Variants in DGKI observed in about 807,000 individuals in gnomAD.
The protein encoded by DGKI is DAG kinase iota.
A neutral mutation model predicts 147.5 loss-of-function variants in DGKI; 55 were observed. That is an observed-to-expected ratio of 0.37 (90% CI 0.30 to 0.47). The LOEUF is 0.47. DGKI is among the 20% of genes least tolerant of loss of function. DGKI has a pLI of 1.00. For synonymous variants in DGKI, 469 were observed against 477.1 expected, an observed-to-expected ratio of 0.98 and a Z score of 0.22; for missense variants, 1,007 against 1,323.8, an observed-to-expected ratio of 0.76 and a Z score of 3.71.
rs141535401 is a variant in DGKI, at chr7:137,656,254, C to T, written c.681+212G>A. Among the ~76,000 whole-genome samples, 325 of 152,224 alleles carry T rather than the reference C, an allele frequency of 2.1e-3. 1 individual carries two copies. The highest frequency in any genetic ancestry group is 7.2e-3 in the African/African-American group (300 of 41,540). On this transcript the variant is annotated intron_variant, in intron 4 of 32. Coordinates refer to ENST00000614521, the MANE Select transcript of DGKI (RefSeq NM_001321708.2). ...TGTTCTTCCTTTTCCCAAGAGTCAA[C>T]GTAAAATGATATCAAATTACACTTC...
chr7:137,664,102 T>C (rs1585344731), intron 3 of DGKI, among the ~76,000 whole-genome samples: 1 of 151,892 alleles, frequency 6.6e-6, no homozygotes, highest in South Asian at 2.1e-4. Context: ...TGCGGCTGGG[T>C]GCAGTGATTC....
At chr7:137,711,309 G>C (rs1490678776) in intron 1 of DGKI, among the ~76,000 whole-genome samples, 1 of 151,990 alleles carries the variant, frequency 6.6e-6, no homozygotes, top group African/African-American at 2.4e-5. Context: ...TATCATATCA[G>C]CACTATTTAT....
chr7:137,522,873 G>A (rs1167849763), intron 20 of DGKI, among the ~76,000 whole-genome samples: 5 of 151,912 alleles, frequency 3.3e-5, no homozygotes, highest in African/African-American at 7.3e-5. Context: ...CTTTCAATAC[G>A]ACCTTATACT....
At chr7:137,843,304 T>C (rs1376675513) in intron 1 of DGKI, 1 of 418,436 alleles carries the variant, frequency 2.4e-6, no homozygotes, top group Non-Finnish European at 3.2e-6. Flanking sequence ...TCCTACACAG[T>C]ATATAGTCAT....
At chr7:137,465,766 A>G (rs1410174378) in intron 26 of DGKI, 142 bp downstream of exon 26, 55 of 1,142,820 alleles carry the variant, frequency 4.8e-5, no homozygotes, top group Non-Finnish European at 6.4e-5. Context: ...CAGACTTATA[A>G]TAACCACTCT....
At chr7:137,457,626 T>G (rs1475126105) in intron 27 of DGKI, among the ~76,000 whole-genome samples, 1 of 152,068 alleles carries the variant, frequency 6.6e-6, no homozygotes, top group Non-Finnish European at 1.5e-5. Context: ...AAAAGGCCAG[T>G]TTTTCAGTTT....
At chr7:137,545,054 A>C (rs1817820930) in intron 20 of DGKI, among the ~76,000 whole-genome samples, 1 of 152,196 alleles carries the variant, frequency 6.6e-6, no homozygotes, top group East Asian at 1.9e-4. Flanking sequence ...TTGAAGCCAG[A>C]CTGCCTGAGT....
At chr7:137,435,180 G>A (rs1318764160) in intron 28 of DGKI, among the ~76,000 whole-genome samples, 2 of 152,114 alleles carry the variant, frequency 1.3e-5, no homozygotes, top group Non-Finnish European at 2.9e-5. Context: ...CTGTGCCAGG[G>A]CACAGCACAG....
chr7:137,543,684 C>T (rs918148681), intron 20 of DGKI, among the ~76,000 whole-genome samples: 1 of 152,048 alleles, frequency 6.6e-6, no homozygotes, highest in Admixed American at 6.6e-5. Context: ...TAGATAGCAA[C>T]CCCCTTCCCC....
At chr7:137,728,713 C>G (rs1181724016) in intron 1 of DGKI, among the ~76,000 whole-genome samples, 4 of 152,230 alleles carry the variant, frequency 2.6e-5, no homozygotes, top group Middle Eastern at 3.4e-3. Context: ...GCTTTTCCCC[C>G]CATGGTTTCC....
intron 26 of DGKI, among the ~76,000 whole-genome samples, chr7:137,465,192 A>G (rs1414381273): frequency 6.6e-6 from 1 of 152,156 alleles, no homozygotes; most frequent in Non-Finnish European, 1.5e-5. Context: ...TTTAGGTCTC[A>G]ATTTTTTAAT....
intron 21 of DGKI, among the ~76,000 whole-genome samples, chr7:137,518,566 C>T (rs113657768): frequency 5.3e-5 from 8 of 152,116 alleles, no homozygotes; most frequent in African/African-American, 1.4e-4. Flanking sequence ...AATGTTAATT[C>T]CCTATCCTTA....
intron 1 of DGKI, among the ~76,000 whole-genome samples, chr7:137,719,827 C>T (rs1794491436): frequency 6.6e-6 from 1 of 151,944 alleles, no homozygotes; most frequent in Non-Finnish European, 1.5e-5. Flanking sequence ...ACCACTGCAA[C>T]TATAAACTAA....
At chr7:137,583,051 AAGG>A (rs1819260930) in intron 14 of DGKI, among the ~76,000 whole-genome samples, 1 of 152,134 alleles carries the variant, frequency 6.6e-6, no homozygotes, top group Admixed American at 6.5e-5. Flanking sequence ...GTTTCACTAG[AAGG>A]AGAACTTCCT....
chr7:137,468,905 A>G (rs538627326), intron 24 of DGKI, among the ~76,000 whole-genome samples: 2 of 152,338 alleles, frequency 1.3e-5, no homozygotes, highest in South Asian at 4.1e-4. Context: ...TAGTAGATAC[A>G]TTCGGTAGTA....
intron 1 of DGKI, among the ~76,000 whole-genome samples, chr7:137,749,215 C>G (rs1369862076): frequency 6.6e-6 from 1 of 152,196 alleles, no homozygotes; most frequent in Non-Finnish European, 1.5e-5. Flanking sequence ...TTTCCATGCT[C>G]AAAACCCCAA....
intron 28 of DGKI, among the ~76,000 whole-genome samples, chr7:137,419,938 T>C (rs538743830): frequency 6.6e-6 from 1 of 152,362 alleles, no homozygotes; most frequent in South Asian, 2.1e-4. Context: ...GTAAAGTATA[T>C]GACTTAAAAC....
At chr7:137,576,253 C>A (rs954930217) in intron 17 of DGKI, among the ~76,000 whole-genome samples, 1 of 151,782 alleles carries the variant, frequency 6.6e-6, no homozygotes, top group Non-Finnish European at 1.5e-5. Flanking sequence ...GCCCAGGCTG[C>A]TCTCGAACTC....
At chr7:137,513,698 C>T (rs1277427772) in intron 21 of DGKI, among the ~76,000 whole-genome samples, 1 of 152,160 alleles carries the variant, frequency 6.6e-6, no homozygotes, top group Non-Finnish European at 1.5e-5. Context: ...TCCTAGGCTA[C>T]AAACCTGTAC....
Sources: gnomAD v4.1 joint callset for allele counts (sites outside exome capture counted in the v4.1 genomes callset) on GRCh38, gnomAD v4.1.1 for gene constraint, MANE v1.5 for transcripts, NCBI Gene and HGNC (gene_info 2026-07-23, HGNC 2026-07-21) for gene names.